Variants in ACBD5 observed in about 807,000 individuals in gnomAD.
ACBD5 encodes acyl-CoA binding domain containing 5.
Under a neutral mutation model 71.8 loss-of-function variants are expected in ACBD5, and 40 were observed. The ratio of observed to expected loss-of-function variants is 0.56; its 90% CI spans 0.43 to 0.72. The LOEUF (loss-of-function observed/expected upper bound fraction) is 0.72. ACBD5 is among the 30% of genes least tolerant of loss of function. The probability of loss-of-function intolerance (pLI) is 0.00; values close to 1 mark genes in which losing one functional copy is unlikely to be tolerated. For synonymous variants in ACBD5, 229 were observed against 218.6 expected (o/e 1.05, Z -0.42); for missense variants, 559 against 644.5 (o/e 0.87, Z 1.44).
chr10:27,217,675 C>T (rs1179769916), intron 7 of ACBD5, among the ~76,000 whole-genome samples: 1 of 151,786 alleles, frequency 6.6e-6, no homozygotes, highest in Non-Finnish European at 1.5e-5. Flanking sequence ...ATTAACTGGG[C>T]ATGATGGTAC....
intron 13 of ACBD5, chr10:27,186,667 C>T (rs979357279): frequency 2.6e-5 from 22 of 855,702 alleles, no homozygotes; most frequent in South Asian, 4.1e-5. Context: ...TTTTAATGTA[C>T]GTTACAGCTT....
In ACBD5 at chr10:27,196,251, A is replaced by G; in HGVS notation, c.*1179T>C. ...ACTGCATCAAAGAAATCTTCAAAGCACAAGGTACATCTAAGTGAGCAGGAA... is the reference window on the plus strand; with the variant it reads ...ACTGCATCAAAGAAATCTTCAAAGCGCAAGGTACATCTAAGTGAGCAGGAA... On this transcript the variant is annotated 3_prime_UTR_variant, in exon 13 of 13. Transcript: ENST00000396271. 2.2e-6 allele frequency: 1 copy of G among 454,106 alleles called. No homozygotes were observed. Among genetic ancestry groups the G allele is most frequent in the Non-Finnish European group, 4.4e-6 (1 of 226,792 alleles). The allele number at this position is 454,106 out of a possible 1,614,324, so 28.1% of individuals were successfully genotyped here. A position where few individuals can be genotyped will look rare whatever the true frequency, so the allele number is the denominator to read the frequency against.
chr10:27,208,583 A>G, intron 9 of ACBD5, 138 bp from the exon 10 acceptor site: 1 of 1,032,324 alleles, frequency 9.7e-7, no homozygotes, highest in South Asian at 1.4e-5. Context: ...CACACCTGTA[A>G]TCCCAGCACT....
chr10:27,230,186 G>T (rs1275786742), intron 4 of ACBD5, among the ~76,000 whole-genome samples: 1 of 150,918 alleles, frequency 6.6e-6, no homozygotes, highest in East Asian at 1.9e-4. Context: ...ATTTGTTATT[G>T]TGTTATTGAC....
rs1374991605 is a variant in ACBD5 at position 27,195,772 on chromosome 10, A to G, written c.*1658T>C. 2.4e-6 allele frequency: 1 copy of G among 410,214 alleles called. No homozygotes were observed. Among genetic ancestry groups the G allele is most frequent in the African/African-American group, 2.1e-5 (1 of 47,514 alleles). The allele number at this position is 410,214 out of a possible 1,614,324, so 25.4% of individuals were successfully genotyped here. A position where few individuals can be genotyped will look rare whatever the true frequency, so the allele number is the denominator to read the frequency against. On this transcript the variant is annotated 3_prime_UTR_variant, in exon 13 of 13. Coordinates refer to ENST00000396271, the MANE Select transcript of ACBD5 (RefSeq NM_145698.5). ...AAAAATAAGGAAAAAGAGTTTGGGA[A>G]AAGTAAATTGTATTCTTATACTTTT...
Position 27,195,744 on chromosome 10 carries a change from GA to G in ACBD5, c.*1685del, listed in dbSNP as rs763250292. The G allele has an allele frequency of 4.6e-4, 191 of 414,198 alleles. 2 individuals are homozygous for G. Among genetic ancestry groups the G allele is most frequent in the South Asian group, 2.7e-3 (152 of 55,918 alleles). The allele number at this position is 414,198 out of a possible 1,614,324, so 25.7% of individuals were successfully genotyped here. On this transcript the variant is annotated 3_prime_UTR_variant, in exon 13 of 13. Coordinates refer to ENST00000396271, the MANE Select transcript of ACBD5 (RefSeq NM_145698.5). ...ATTAAATAATTAAAGTTATTTGAAA[GA>G]AAAAAATAAGGAAAAAGAGTTTGGG...
chr10:27,214,954 A>G (rs1324434918), intron 8 of ACBD5, among the ~76,000 whole-genome samples: 1 of 152,212 alleles, frequency 6.6e-6, no homozygotes, highest in Non-Finnish European at 1.5e-5. Context: ...ACTTGAGGTC[A>G]GGAGTTTGAA....
chr10:27,228,290 T>C (rs1188785633), intron 4 of ACBD5, among the ~76,000 whole-genome samples: 1 of 125,560 alleles, frequency 8.0e-6, no homozygotes, highest in Non-Finnish European at 1.8e-5. Flanking sequence ...AAAAATAGAA[T>C]TTTGGCCGGG....
At chr10:27,216,176 T>C (rs2137281567) in intron 7 of ACBD5, among the ~76,000 whole-genome samples, 1 of 151,846 alleles carries the variant, frequency 6.6e-6, no homozygotes, top group South Asian at 2.1e-4. Context: ...AGTCTCGTTC[T>C]GTGGCCCAGG....
intron 13 of ACBD5, among the ~76,000 whole-genome samples, chr10:27,189,581 A>T (rs10829204): frequency 0.6 from 80,196 of 134,026 alleles, 23,846 homozygotes; most frequent in Non-Finnish European, 0.64. Flanking sequence ...ATGAGAACAC[A>T]TGGACATAGG....
At chr10:27,233,393 T>C in intron 3 of ACBD5, among the ~76,000 whole-genome samples, 1 of 144,848 alleles carries the variant, frequency 6.9e-6, no homozygotes, top group African/African-American at 2.6e-5. Context: ...GCCACTGCAC[T>C]CCAGCCTGGG....
intron 10 of ACBD5, among the ~76,000 whole-genome samples, chr10:27,208,025 G>A (rs1564590632): frequency 6.6e-6 from 1 of 152,048 alleles, no homozygotes; most frequent in Non-Finnish European, 1.5e-5. Flanking sequence ...GTGAGCCACG[G>A]CGCCCAGCCA....
At chr10:27,223,598 C>T in intron 4 of ACBD5, 146 bp from the exon 5 acceptor site, 2 of 709,982 alleles carry the variant, frequency 2.8e-6, no homozygotes, top group Non-Finnish European at 4.8e-6. Flanking sequence ...ACATTAATTA[C>T]ATACTTAATG....
In ACBD5 at chr10:27,215,937, C is replaced by T. The variant is rs113039878; in HGVS notation, c.830-296G>A. Among the ~76,000 whole-genome samples the T allele has an allele frequency of 2.7e-3, 381 of 143,468 alleles. 2 individuals are homozygous for T. Among genetic ancestry groups the T allele is most frequent in the African/African-American group, 9.0e-3 (346 of 38,628 alleles). 94.1% of individuals were successfully genotyped at this position (143,468 alleles called of 152,430 possible). A position where few individuals can be genotyped will look rare whatever the true frequency, so the allele number is the denominator to read the frequency against. ...TGGCCCAGGCTGGAGTGCAGTGGTGCGATCTCGGCTCACAGCAACCTCCGC... is the reference window on the plus strand; with the variant it reads ...TGGCCCAGGCTGGAGTGCAGTGGTGTGATCTCGGCTCACAGCAACCTCCGC... On this transcript the variant is annotated intron_variant, in intron 7 of 12. Coordinates refer to ENST00000396271, the MANE Select transcript of ACBD5 (RefSeq NM_145698.5).
chr10:27,183,710 T>TC (rs2058462003), intron 13 of ACBD5, among the ~76,000 whole-genome samples: 1 of 152,110 alleles, frequency 6.6e-6, no homozygotes, highest in East Asian at 1.9e-4. Context: ...ATAATTTCTT[T>TC]CTTTTTTTGG....
At chr10:27,221,864 G>A (rs2062378497) in intron 5 of ACBD5, among the ~76,000 whole-genome samples, 1 of 134,348 alleles carries the variant, frequency 7.4e-6, no homozygotes, top group Admixed American at 8.5e-5. Context: ...GTTGCAGTGA[G>A]TCAAGATGGG....
At chr10:27,238,359 G>A (rs1456645541) in intron 2 of ACBD5, among the ~76,000 whole-genome samples, 1 of 152,164 alleles carries the variant, frequency 6.6e-6, no homozygotes, top group Non-Finnish European at 1.5e-5. Flanking sequence ...CTAATAAGTG[G>A]TACATAATGT....
intron 6 of ACBD5, among the ~76,000 whole-genome samples, 175 bp from the exon 7 acceptor site, chr10:27,218,358 A>G (rs1301349997): frequency 6.6e-6 from 1 of 152,158 alleles, no homozygotes; most frequent in Non-Finnish European, 1.5e-5. Context: ...ATACGCTGAG[A>G]GCTCACCCAA....
intron 11 of ACBD5, 35 bp from the exon 12 acceptor site, chr10:27,204,584 T>C: frequency 6.9e-7 from 1 of 1,445,690 alleles, no homozygotes; most frequent in Middle Eastern, 1.7e-4. Context: ...ACCAATCTAT[T>C]CAATACTGCA....
Sources: gnomAD v4.1 joint callset for allele counts (sites outside exome capture counted in the v4.1 genomes callset) on GRCh38, gnomAD v4.1.1 for gene constraint, MANE v1.5 for transcripts, NCBI Gene and HGNC (gene_info 2026-07-23, HGNC 2026-07-21) for gene names.